The following SLC25A26 variants were observed in gnomAD, a reference collection of about 807,000 sequenced individuals.
The protein encoded by SLC25A26 is mitochondrial S-adenosylmethionine carrier protein.
A neutral mutation model predicts 37.8 loss-of-function variants in SLC25A26; 36 were observed. The ratio of observed to expected loss-of-function variants is 0.95; its 90% CI spans 0.73 to 1.26. The LOEUF (loss-of-function observed/expected upper bound fraction) is 1.26, where lower values mean the gene tolerates loss of function less well. SLC25A26 is among the 50% of genes most tolerant of loss of function. The pLI is 0.00. For synonymous variants in SLC25A26, 129 were observed against 122.5 expected (o/e 1.05, Z -0.35); for missense variants, 390 against 331.1 (o/e 1.18, Z -1.38).
In SLC25A26 at chr3:66,377,862, C is replaced by G. The variant is rs1480852626; in HGVS notation, c.*55C>G. The stretch of plus-strand genomic sequence containing the variant: ...TCAAGAGAGGGGCCTGCAGTGCAAA[C>G]CCTCTTCCGCTGAGCAGCTGTCTGA... On this transcript the variant is annotated 3_prime_UTR_variant, in exon 10 of 10. Transcript: ENST00000354883. The G allele has an allele frequency of 9.3e-6, 12 of 1,291,162 alleles. No homozygotes were observed. Among genetic ancestry groups the G allele is most frequent in the Non-Finnish European group, 2.3e-6 (2 of 888,656 alleles). The allele number at this position is 1,291,162 out of a possible 1,614,324, so 80.0% of individuals were successfully genotyped here. A position where few individuals can be genotyped will look rare whatever the true frequency, so the allele number is the denominator to read the frequency against.
intron 5 of SLC25A26, among the ~76,000 whole-genome samples, chr3:66,300,727 A>G (rs114247253): frequency 1.6e-4 from 25 of 152,286 alleles, no homozygotes; most frequent in African/African-American, 5.8e-4. Flanking sequence ...AGAAAGAAGG[A>G]AATATAAATA....
Position 66,190,722 on chromosome 3 carries a change from C to T in SLC25A26, c.-353-30020C>T, listed in dbSNP as rs1226097160. Among the ~76,000 whole-genome samples the T allele has an allele frequency of 5.9e-5, 9 of 152,298 alleles. No homozygotes were observed. The East Asian group carries it at 1.2e-3, about 20-fold the overall frequency. On this transcript the variant is annotated intron_variant, in intron 1 of 10. Coordinates refer to the SLC25A26 transcript ENST00000676754. ...GGGATTACAGGCATGAGCCACTGTG[C>T]CTGACCAGAATTTTCTTTAGAGACA...
intron 2 of SLC25A26, among the ~76,000 whole-genome samples, chr3:66,238,478 G>A (rs1053738543): frequency 7.9e-5 from 12 of 152,204 alleles, no homozygotes; most frequent in African/African-American, 2.9e-4. Context: ...CACCTCCTGG[G>A]TTCAAGCAAT....
intron 6 of SLC25A26, among the ~76,000 whole-genome samples, chr3:66,350,667 G>T (rs1430810531): frequency 6.6e-6 from 1 of 151,688 alleles, no homozygotes; most frequent in Non-Finnish European, 1.5e-5. Context: ...TCCTTGACTG[G>T]TTTTTTCAGC....
intron 5 of SLC25A26, among the ~76,000 whole-genome samples, chr3:66,275,692 G>C (rs1472523862): frequency 6.6e-6 from 1 of 152,022 alleles, no homozygotes; most frequent in African/African-American, 2.4e-5. Flanking sequence ...CAGATAAACT[G>C]TCTGTACTTC....
upstream of SLC25A26, among the ~76,000 whole-genome samples, chr3:66,218,709 GACCACTT>G (rs1451594175): frequency 6.6e-6 from 1 of 152,162 alleles, no homozygotes; most frequent in Non-Finnish European, 1.5e-5. Context: ...TTCTCTTTCA[GACCACTT>G]ACTCTAGGAA....
At chr3:66,156,022 G>A (rs1455616937) in intron 1 of SLC25A26, among the ~76,000 whole-genome samples, 1 of 152,058 alleles carries the variant, frequency 6.6e-6, no homozygotes, top group African/African-American at 2.4e-5. Context: ...TCAATTCCAG[G>A]TACAAGTAGA....
At chr3:66,134,272 G>A (rs1347970471) in intron 1 of SLC25A26, among the ~76,000 whole-genome samples, 1 of 152,176 alleles carries the variant, frequency 6.6e-6, no homozygotes, top group Non-Finnish European at 1.5e-5. Flanking sequence ...GTTAGCCCTG[G>A]TTACACAGCA....
intron 5 of SLC25A26, among the ~76,000 whole-genome samples, chr3:66,264,279 C>CA (rs200767551): frequency 0.016 from 2,447 of 148,564 alleles, 73 homozygotes; most frequent in African/African-American, 0.056. Flanking sequence ...ACTCTGTCTC[C>CA]AAAAAAAAAG....
At chr3:66,311,186 G>A (rs531828370) in intron 5 of SLC25A26, among the ~76,000 whole-genome samples, 35 of 151,942 alleles carry the variant, frequency 2.3e-4, no homozygotes, top group African/African-American at 6.3e-4. Context: ...GGCTTTGTTC[G>A]TTCCTTTTCA....
intron 1 of SLC25A26, among the ~76,000 whole-genome samples, chr3:66,208,799 C>T (rs1266760945): frequency 2.7e-5 from 2 of 73,560 alleles, no homozygotes; most frequent in South Asian, 8.3e-4. Flanking sequence ...TATATACACA[C>T]CTTTACATGG....
chr3:66,330,287 G>T (rs2075940445), intron 5 of SLC25A26, among the ~76,000 whole-genome samples: 1 of 152,124 alleles, frequency 6.6e-6, no homozygotes, highest in Admixed American at 6.5e-5. Context: ...GACATGTTTA[G>T]TTTAACATAT....
At chr3:66,214,631 T>G (rs2071333904) in intron 1 of SLC25A26, among the ~76,000 whole-genome samples, 1 of 152,234 alleles carries the variant, frequency 6.6e-6, no homozygotes, top group Admixed American at 6.5e-5. Context: ...TTTTGTGATC[T>G]TTACTCATTT....
intron 1 of SLC25A26, among the ~76,000 whole-genome samples, chr3:66,152,017 G>C (rs2070216334): frequency 6.6e-6 from 1 of 152,114 alleles, no homozygotes; most frequent in African/African-American, 2.4e-5. Context: ...TATGTAACAG[G>C]GCATCTAATC....
At position 66,236,565 on chromosome 3, in the gene SLC25A26, T is replaced by A; in HGVS notation, c.55T>A (p.Ser19Thr). 2 of 1,475,082 alleles carry A rather than the reference T, an allele frequency of 1.4e-6. No homozygotes were observed. The highest frequency in any genetic ancestry group is 1.8e-6 in the Non-Finnish European group (2 of 1,105,146). The allele number at this position is 1,475,082 out of a possible 1,614,324, so 91.4% of individuals were successfully genotyped here. A position where few individuals can be genotyped will look rare whatever the true frequency, so the allele number is the denominator to read the frequency against. The change falls in exon 2 of 10, where the codon TCT becomes ACT. Residue 19 changes from serine to threonine, a missense_variant. Transcript: ENST00000354883. ...AAAGGCTGGTGGGGTAGCAGGTGTT[T>A]CTGTTGACTTGATATTATTTCCTCT... The part of the protein sequence containing the change: ...ALVAGGVAGV[S>T]VDLILFPLDT...
chr3:66,291,874 T>G (rs1298598879), intron 5 of SLC25A26, among the ~76,000 whole-genome samples: 1 of 152,214 alleles, frequency 6.6e-6, no homozygotes, highest in Non-Finnish European at 1.5e-5. Context: ...TCTGTCTTGT[T>G]GATCTGTCTA....
intron 1 of SLC25A26, among the ~76,000 whole-genome samples, chr3:66,202,571 A>T (rs2071125596): frequency 3.3e-5 from 5 of 151,552 alleles, no homozygotes; most frequent in Admixed American, 3.3e-4. Context: ...ATCTATTGGC[A>T]AAGTTGACCT....
intron 1 of SLC25A26, among the ~76,000 whole-genome samples, chr3:66,183,272 C>T (rs746984319): frequency 6.6e-5 from 10 of 152,020 alleles, no homozygotes; most frequent in Admixed American, 3.3e-4. Flanking sequence ...AGGACATGAC[C>T]TTGTCCTTCA....
intron 5 of SLC25A26, among the ~76,000 whole-genome samples, chr3:66,295,022 T>G (rs1475265450): frequency 6.6e-6 from 1 of 152,214 alleles, no homozygotes. Flanking sequence ...AGACGTATGC[T>G]GAATCTCATA....
Sources: gnomAD v4.1 joint callset for allele counts (sites outside exome capture counted in the v4.1 genomes callset) on GRCh38, gnomAD v4.1.1 for gene constraint, MANE v1.5 for transcripts, NCBI Gene and HGNC (gene_info 2026-07-23, HGNC 2026-07-21) for gene names.